Variants in TCF4 observed in about 807,000 individuals in gnomAD.
TCF4 encodes transcription factor 4.
A neutral mutation model predicts 82.1 loss-of-function variants in TCF4; 3 were observed. The ratio of observed to expected loss-of-function variants is 0.04; its 90% CI spans 0.02 to 0.09. TCF4 has a LOEUF of 0.09. Ranked by LOEUF, TCF4 falls within the 10% of genes least tolerant of loss-of-function variation. TCF4 has a pLI of 1.00. For synonymous variants in TCF4, 276 were observed against 309.6 expected, an observed-to-expected ratio of 0.89 and a Z score of 1.14; for missense variants, 518 against 852.7, an observed-to-expected ratio of 0.61 and a Z score of 4.89.
intron 8 of TCF4, among the ~76,000 whole-genome samples, chr18:55,287,918 T>C (rs952520659): frequency 1.3e-5 from 2 of 151,940 alleles, no homozygotes; most frequent in African/African-American, 4.9e-5. Context: ...TTGGTAGCCT[T>C]TGACATGTAT....
chr18:55,381,045 G>A (rs1021740035), intron 6 of TCF4, among the ~76,000 whole-genome samples: 8 of 151,876 alleles, frequency 5.3e-5, no homozygotes, highest in South Asian at 2.1e-4. Flanking sequence ...AATATATCTC[G>A]ATTTTTTTAA....
At chr18:55,412,786 G>T (rs560753422) in intron 5 of TCF4, among the ~76,000 whole-genome samples, 1 of 152,126 alleles carries the variant, frequency 6.6e-6, no homozygotes, top group Non-Finnish European at 1.5e-5. Context: ...ATCAGCAGCC[G>T]CATTTCACCA....
At chr18:55,588,617 C>A, upstream of TCF4, 1 of 1,472,208 alleles carries the variant, frequency 6.8e-7, no homozygotes, top group Non-Finnish European at 9.0e-7. Context: ...CTCTCACTCA[C>A]ACATCCACAC....
At chr18:55,620,441 G>C (rs1182784099) in intron 2 of TCF4, among the ~76,000 whole-genome samples, 3 of 152,160 alleles carry the variant, frequency 2.0e-5, no homozygotes, top group Non-Finnish European at 4.4e-5. Flanking sequence ...TCCTGGTCTT[G>C]TGAGAGTACT....
At chr18:55,275,254 C>T (rs1049189416) in intron 10 of TCF4, among the ~76,000 whole-genome samples, 4 of 118,342 alleles carry the variant, frequency 3.4e-5, no homozygotes, top group Non-Finnish European at 1.7e-5. Context: ...CTCTGCAGTA[C>T]ATCTTTTGAA....
chr18:55,364,758 T>G (rs571891478), intron 6 of TCF4, among the ~76,000 whole-genome samples: 2 of 152,200 alleles, frequency 1.3e-5, no homozygotes, highest in Admixed American at 6.5e-5. Flanking sequence ...TCAAGGTCTA[T>G]GTATATGAGA....
intron 3 of TCF4, among the ~76,000 whole-genome samples, chr18:55,527,648 A>G (rs2097002683): frequency 6.6e-6 from 1 of 152,210 alleles, no homozygotes; most frequent in African/African-American, 2.4e-5. Context: ...CACGTGCATG[A>G]TAAGCTCTCA....
At chr18:55,519,000 T>C (rs1172121188) in intron 3 of TCF4, 1 of 152,160 alleles carries the variant, frequency 6.6e-6, no homozygotes, top group Non-Finnish European at 1.5e-5. Context: ...TATCTGAATG[T>C]CACTAGTCAA....
intron 8 of TCF4, among the ~76,000 whole-genome samples, chr18:55,283,210 T>A (rs2146353990): frequency 6.6e-6 from 1 of 151,648 alleles, no homozygotes; most frequent in South Asian, 2.1e-4. Flanking sequence ...TTTTTGGTAA[T>A]CCAAGAAGTA....
intron 1 of TCF4, among the ~76,000 whole-genome samples, chr18:55,632,886 A>G (rs1433812088): frequency 6.6e-6 from 1 of 152,154 alleles, no homozygotes. Flanking sequence ...AAAGTCTCAC[A>G]CATGTTGGGT....
intron 8 of TCF4, among the ~76,000 whole-genome samples, chr18:55,285,279 G>A (rs899346211): frequency 6.6e-6 from 1 of 152,178 alleles, no homozygotes. Flanking sequence ...AATTCCTTGC[G>A]AGGACATAAC....
intron 3 of TCF4, among the ~76,000 whole-genome samples, chr18:55,511,453 T>C (rs1345031463): frequency 6.6e-6 from 1 of 151,602 alleles, no homozygotes; most frequent in African/African-American, 2.4e-5. Context: ...GAATTTCACA[T>C]AGCAAAAGTA....
intron 5 of TCF4, among the ~76,000 whole-genome samples, chr18:55,447,682 A>G (rs2095549960): frequency 6.6e-6 from 1 of 152,238 alleles, no homozygotes; most frequent in East Asian, 1.9e-4. Context: ...ACATATCGAT[A>G]ACATGTTAAT....
intron 8 of TCF4, among the ~76,000 whole-genome samples, chr18:55,309,908 A>G (rs959431001): frequency 1.2e-4 from 19 of 152,244 alleles, no homozygotes; most frequent in Non-Finnish European, 1.9e-4. Flanking sequence ...GAAATTCATG[A>G]TTTAAAAAAA....
chr18:55,460,542 C>A (rs1442198241), intron 5 of TCF4, among the ~76,000 whole-genome samples: 3 of 152,174 alleles, frequency 2.0e-5, no homozygotes, highest in Non-Finnish European at 4.4e-5. Flanking sequence ...TTTTACAATT[C>A]AACTTGAATG....
intron 8 of TCF4, among the ~76,000 whole-genome samples, chr18:55,319,954 A>G (rs1471513563): frequency 6.6e-6 from 1 of 152,198 alleles, no homozygotes; most frequent in African/African-American, 2.4e-5. Context: ...AACCATGGAA[A>G]CTTATATTCT....
rs146480281 is a variant in TCF4, at chr18:55,312,702, C to T, written c.550-33046G>A. ...TTACAGGAATCCTTTAAAATGTAAA[C>T]GCTTTTAACAATCATGCATCTATTT... On this transcript the variant is annotated intron_variant, in intron 8 of 19. Coordinates refer to ENST00000354452, the MANE Select transcript of TCF4 (RefSeq NM_001083962.2). 4.7e-3 allele frequency among the ~76,000 whole-genome samples: 715 copies of T among 152,236 alleles called. 6 individuals carry two copies. The highest frequency in any genetic ancestry group is 6.0e-3 in the Non-Finnish European group (405 of 67,984).
chr18:55,511,728 C>T (rs993694868), intron 3 of TCF4, among the ~76,000 whole-genome samples: 11 of 152,012 alleles, frequency 7.2e-5, no homozygotes, highest in Non-Finnish European at 1.5e-4. Context: ...GATTGAATTG[C>T]ATTTCTCAAT....
chr18:55,363,092 C>T (rs2085904639), intron 6 of TCF4, among the ~76,000 whole-genome samples: 1 of 151,940 alleles, frequency 6.6e-6, no homozygotes, highest in African/African-American at 2.4e-5. Flanking sequence ...AGAGAAGACA[C>T]AAATTCTAAA....
Sources: gnomAD v4.1 joint callset for allele counts (sites outside exome capture counted in the v4.1 genomes callset) on GRCh38, gnomAD v4.1.1 for gene constraint, MANE v1.5 for transcripts, NCBI Gene and HGNC (gene_info 2026-07-23, HGNC 2026-07-21) for gene names.